Variants in PCDHB6 observed in about 807,000 individuals in gnomAD.
PCDHB6 encodes the protein protocadherin beta 6, also known as protocadherin beta-6.
For missense variants in PCDHB6, 1,137 were observed against 1,010.1 expected (o/e 1.13, Z -1.70); for synonymous variants, 506 against 459.0 (o/e 1.10, Z -1.31).
Position 141,151,774 on chromosome 5 carries a change from C to T in PCDHB6, c.1517C>T (p.Ala506Val), listed in dbSNP as rs202125595. 1.5e-5 allele frequency: 24 copies of T among 1,613,260 alleles called. No homozygotes were observed. The African/African-American group carries it at 2.4e-4, about 16-fold the overall frequency. ...LPLSSLVSIN[A>V]DNGHLFALRS... ...CTCTCTTCCCTGGTCTCCATCAACGCGGACAACGGCCACCTGTTTGCCCTC... is the reference window on the plus strand; with the variant it reads ...CTCTCTTCCCTGGTCTCCATCAACGTGGACAACGGCCACCTGTTTGCCCTC... The change falls in exon 1 of 1, where the codon GCG becomes GTG. Residue 506 changes from alanine (A) to valine (V), a missense_variant. Transcript: ENST00000231136.
rs139339229 is a variant in PCDHB6 at position 141,152,458 on chromosome 5, T to C, written c.2201T>C (p.Leu734Pro). Reference sequence around the variant, plus strand: ...CCCGAGGGTCCCTTTCCAGGGCATCTGGTGGATGTGAGCGGCACCGGGACC... The same window carrying C: ...CCCGAGGGTCCCTTTCCAGGGCATCCGGTGGATGTGAGCGGCACCGGGACC... ...SVPEGPFPGH[L>P]VDVSGTGTLS... The change falls in exon 1 of 1, where the codon CTG (leucine) becomes CCG (proline). Residue 734 changes from leucine (L) to proline (P), a missense_variant. Leu to Pro is a moderately conservative substitution (Grantham distance 98). Transcript: ENST00000231136. The C allele has an allele frequency of 1.9e-6, 3 of 1,614,002 alleles. No homozygotes were observed. Among genetic ancestry groups the C allele is most frequent in the African/African-American group, 2.7e-5 (2 of 74,844 alleles).
At position 141,151,084 on chromosome 5, in the gene PCDHB6, T is replaced by C. The variant is rs1554277602; in HGVS notation, c.827T>C (p.Val276Ala). Reference protein sequence around the residue: ...RDLDAGSFGKVSYALFQVDDV... With the variant: ...RDLDAGSFGKASYALFQVDDV... ...TTAGATGCAGGATCGTTTGGGAAGGTATCTTACGCCCTGTTTCAAGTCGAT... is the reference window on the plus strand; with the variant it reads ...TTAGATGCAGGATCGTTTGGGAAGGCATCTTACGCCCTGTTTCAAGTCGAT... Residue 276 changes from valine (V) to alanine (A), a missense_variant, in exon 1 of 1, where the codon GTA becomes GCA. Physicochemically the swap from Val to Ala is moderately conservative, Grantham distance 64. Coordinates refer to ENST00000231136, the MANE Select transcript of PCDHB6 (RefSeq NM_018939.4). The C allele has an allele frequency of 5.0e-6, 8 of 1,614,228 alleles. No individual in the cohort carries two copies. Among genetic ancestry groups the C allele is most frequent in the Non-Finnish European group, 6.8e-6 (8 of 1,180,028 alleles).
chr5:141,152,623 A>G lies in PCDHB6; in HGVS notation c.2366A>G (p.Asn789Ser). ...ATGGAAGAAACCCCCACCTCTCGGA[A>G]TAGCTTCCCGTTCAGTTAAGTGTGG... is the stretch of plus-strand genomic sequence containing the variant. ...REMEETPTSRNSFPFS is the reference protein window; with the variant it reads ...REMEETPTSRSSFPFS Residue 789 changes from asparagine to serine, a missense_variant, in exon 1 of 1, where the codon AAT becomes AGT. Coordinates refer to ENST00000231136, the MANE Select transcript of PCDHB6 (RefSeq NM_018939.4). 6.2e-7 allele frequency: 1 copy of G among 1,602,072 alleles called. No individual in the cohort carries two copies. Among genetic ancestry groups the G allele is most frequent in the Non-Finnish European group, 8.5e-7 (1 of 1,172,762 alleles).
rs1290657368 is a variant in PCDHB6 at position 141,150,094 on chromosome 5, T to C, written c.-164T>C. The C allele has an allele frequency of 1.7e-6, 1 of 603,122 alleles. No individual in the cohort carries two copies. The highest frequency in any genetic ancestry group is 2.9e-6 in the Non-Finnish European group (1 of 346,252). The allele number at this position is 603,122 out of a possible 1,614,324, so 37.4% of individuals were successfully genotyped here. On this transcript the variant is annotated 5_prime_UTR_variant, in exon 1 of 1. Transcript: ENST00000231136. ...AGCCAAGTAAAAATACAGACCACGTTTACAGCTAAAGCTGAGATAGATGTG... is the reference window on the plus strand; with the variant it reads ...AGCCAAGTAAAAATACAGACCACGTCTACAGCTAAAGCTGAGATAGATGTG...
chr5:141,152,610 C>G lies in PCDHB6; in HGVS notation c.2353C>G (p.Pro785Ala). 6.2e-7 allele frequency: 1 copy of G among 1,607,692 alleles called. No homozygotes were observed. Among genetic ancestry groups the G allele is most frequent in the Non-Finnish European group, 8.5e-7 (1 of 1,175,866 alleles). The change falls in exon 1 of 1, where the codon CCC (proline) becomes GCC (alanine). Residue 785 changes from proline (P) to alanine (A), a missense_variant. Physicochemically the swap from Pro to Ala is conservative, Grantham distance 27. Transcript: ENST00000231136. ...QGTEREMEET[P>A]TSRNSFPFS is the part of the protein sequence containing the mutation. ...CACTGAGAGAGAAATGGAAGAAACC[C>G]CCACCTCTCGGAATAGCTTCCCGTT...
At position 141,152,124 on chromosome 5, in the gene PCDHB6, C is replaced by A. The variant is rs782799335; in HGVS notation, c.1867C>A (p.Arg623Ser). The A allele has an allele frequency of 4.4e-6, 7 of 1,607,116 alleles. No homozygotes were observed. The highest frequency in any genetic ancestry group is 5.9e-6 in the Non-Finnish European group (7 of 1,179,688). Residue 623 changes from arginine (R) to serine (S), a missense_variant, in exon 1 of 1, where the codon CGC (arginine) becomes AGC (serine). Coordinates refer to ENST00000231136, the MANE Select transcript of PCDHB6 (RefSeq NM_018939.4). ...CGTGTGGGCGCACAATGGCGAGGTGCGCACCGCCAGGCTGCTGAGCGAGCG... is the reference window on the plus strand; with the variant it reads ...CGTGTGGGCGCACAATGGCGAGGTGAGCACCGCCAGGCTGCTGAGCGAGCG... ...FGVWAHNGEV[R>S]TARLLSERDA...
In PCDHB6 at chr5:141,152,380, C is replaced by T. The variant is rs1390957069; in HGVS notation, c.2123C>T (p.Ala708Val). 4 of 1,612,128 alleles carry T rather than the reference C, an allele frequency of 2.5e-6. No individual in the cohort carries two copies. Among genetic ancestry groups the T allele is most frequent in the Admixed American group, 1.7e-5 (1 of 59,996 alleles). Residue 708 changes from alanine to valine, a missense_variant, in exon 1 of 1, where the codon GCG (alanine) becomes GTG (valine). Coordinates refer to ENST00000231136, the MANE Select transcript of PCDHB6 (RefSeq NM_018939.4). ...LFLFSVLLFV[A>V]VRLCRRSRAA... ...CTCTTTTCGGTGCTCCTGTTCGTGG[C>T]GGTGCGGCTGTGCAGGAGGAGCAGG...
chr5:141,152,062 A>G lies in PCDHB6; in HGVS notation c.1805A>G (p.Tyr602Cys), dbSNP rs1588335716. Reference sequence around the variant, plus strand: ...TCGGGCCAGAACGCCTGGCTGTCGTACCAGCTGCTCAAGGCCACGGAGCTC... The same window carrying G: ...TCGGGCCAGAACGCCTGGCTGTCGTGCCAGCTGCTCAAGGCCACGGAGCTC... ...GDSGQNAWLS[Y>C]QLLKATELGL... The change falls in exon 1 of 1, where the codon TAC becomes TGC. Residue 602 changes from tyrosine (Y) to cysteine (C), a missense_variant. Tyr to Cys is a radical substitution (Grantham distance 194). Transcript: ENST00000231136. The G allele has an allele frequency of 1.2e-6, 2 of 1,607,170 alleles. No individual in the cohort carries two copies. Among genetic ancestry groups the G allele is most frequent in the Admixed American group, 3.3e-5 (2 of 59,976 alleles).
In PCDHB6 at chr5:141,152,126, C is replaced by T. The variant is rs781909942; in HGVS notation, c.1869C>T (p.Arg623=). The T allele has an allele frequency of 1.1e-4, 174 of 1,607,160 alleles. No homozygotes were observed. The highest frequency in any genetic ancestry group is 1.3e-4 in the Non-Finnish European group (158 of 1,179,694). The change falls in exon 1 of 1, where the codon CGC becomes CGT. Residue 623 remains arginine, a synonymous_variant. Transcript: ENST00000231136. ...TGTGGGCGCACAATGGCGAGGTGCGCACCGCCAGGCTGCTGAGCGAGCGAG... is the reference window on the plus strand; with the variant it reads ...TGTGGGCGCACAATGGCGAGGTGCGTACCGCCAGGCTGCTGAGCGAGCGAG... The part of the protein sequence containing the change: ...FGVWAHNGEV[R]TARLLSERDA...
chr5:141,152,550 C>T lies in PCDHB6; in HGVS notation c.2293C>T (p.Leu765=). Reference sequence around the variant, plus strand: ...CTCAGAAACAAATGAGTTCAAGTTCCTGAAGCCGATTATGCCCAACTTCCC... The same window carrying T: ...CTCAGAAACAAATGAGTTCAAGTTCTTGAAGCCGATTATGCCCAACTTCCC... ...GGSETNEFKF[L]KPIMPNFPPQ... Residue 765 remains leucine, a synonymous_variant, in exon 1 of 1, where the codon CTG becomes TTG. Coordinates refer to ENST00000231136, the MANE Select transcript of PCDHB6 (RefSeq NM_018939.4). 6.2e-7 allele frequency: 1 copy of T among 1,614,034 alleles called. No individual in the cohort carries two copies. Among genetic ancestry groups the T allele is most frequent in the Non-Finnish European group, 8.5e-7 (1 of 1,180,032 alleles).
Position 141,150,771 on chromosome 5 carries a change from A to G in PCDHB6, c.514A>G (p.Ser172Gly). Residue 172 changes from serine (S) to glycine (G), a missense_variant, in exon 1 of 1, where the codon AGC (serine) becomes GGC (glycine). Physicochemically the swap from Ser to Gly is moderately conservative, Grantham distance 56. Transcript: ENST00000231136. ...CAACGGCCTTCAGAGGTACACAATC[A>G]GCTCCAACCCTCACTTCCACGTTCT... ...GSNGLQRYTI[S>G]SNPHFHVLTR... The G allele has an allele frequency of 7.4e-6, 12 of 1,614,224 alleles. No homozygotes were observed. The highest frequency in any genetic ancestry group is 1.0e-5 in the Non-Finnish European group (12 of 1,180,040).
At position 141,152,146 on chromosome 5, in the gene PCDHB6, A is replaced by G; in HGVS notation, c.1889A>G (p.Glu630Gly). Residue 630 changes from glutamate to glycine, a missense_variant, in exon 1 of 1, where the codon GAG (glutamate) becomes GGG (glycine). By Grantham distance (98) the Glu-to-Gly change is moderately conservative. Transcript: ENST00000231136. ...GTGCGCACCGCCAGGCTGCTGAGCGAGCGAGACGCAGCCAAGCACAGGCTG... is the reference window on the plus strand; with the variant it reads ...GTGCGCACCGCCAGGCTGCTGAGCGGGCGAGACGCAGCCAAGCACAGGCTG... ...GEVRTARLLS[E>G]RDAAKHRLVV... 6.2e-7 allele frequency: 1 copy of G among 1,607,972 alleles called. No individual in the cohort carries two copies. Among genetic ancestry groups the G allele is most frequent in the Non-Finnish European group, 8.5e-7 (1 of 1,179,712 alleles).
rs782435678 is a variant in PCDHB6 at position 141,151,337 on chromosome 5, G to C, written c.1080G>C (p.Glu360Asp). 2.5e-5 allele frequency: 40 copies of C among 1,614,036 alleles called. No individual in the cohort carries two copies. Among genetic ancestry groups the C allele is most frequent in the Middle Eastern group, 1.6e-4 (1 of 6,084 alleles). Residue 360 changes from glutamate (E) to aspartate (D), a missense_variant, in exon 1 of 1, where the codon GAG (glutamate) becomes GAC (aspartate). Transcript: ENST00000231136. The part of the protein sequence containing the change: ...FISLIPENLP[E>D]ITVAVFSVSD... The stretch of plus-strand genomic sequence containing the variant: ...GCCTCATCCCAGAAAACTTACCAGA[G>C]ATCACAGTGGCAGTTTTCAGTGTTT...
At position 141,151,754 on chromosome 5, in the gene PCDHB6, T is replaced by G. The variant is rs564675808; in HGVS notation, c.1497T>G (p.Ser499=). ...LPPQDPHLPL[S]SLVSINADNG... ...CCCAGGACCCGCACCTGCCCCTCTC[T>G]TCCCTGGTCTCCATCAACGCGGACA... Residue 499 remains serine, a synonymous_variant, in exon 1 of 1, where the codon TCT becomes TCG. Coordinates refer to ENST00000231136, the MANE Select transcript of PCDHB6 (RefSeq NM_018939.4). 28 of 1,611,960 alleles carry G rather than the reference T, an allele frequency of 1.7e-5. No homozygotes were observed. The highest frequency in any genetic ancestry group is 7.6e-6 in the Non-Finnish European group (9 of 1,179,438).
rs1554277346 is a variant in PCDHB6 at position 141,150,074 on chromosome 5, A to G, written c.-184A>G. ...TGGACTCCGTTTCATCCAGAAGCCA[A>G]GTAAAAATACAGACCACGTTTACAG... is the stretch of plus-strand genomic sequence containing the variant. On this transcript the variant is annotated 5_prime_UTR_variant, in exon 1 of 1. Transcript: ENST00000231136. The G allele has an allele frequency of 3.5e-6, 2 of 566,498 alleles. No homozygotes were observed. The highest frequency in any genetic ancestry group is 2.9e-5 in the East Asian group (1 of 34,660). 35.1% of individuals were successfully genotyped at this position (566,498 alleles called of 1,614,324 possible).
Position 141,151,902 on chromosome 5 carries a change from G to A in PCDHB6, c.1645G>A (p.Val549Met), listed in dbSNP as rs1554277855. ...LSSEALVRLL[V>M]LDANDNSPFV... The stretch of plus-strand genomic sequence containing the variant: ...CAGCGAGGCGCTGGTGCGCTTGCTG[G>A]TGCTGGACGCCAACGACAACTCGCC... The change falls in exon 1 of 1, where the codon GTG (valine) becomes ATG (methionine). Residue 549 changes from valine (V) to methionine (M), a missense_variant. Transcript: ENST00000231136. The A allele has an allele frequency of 6.2e-7, 1 of 1,611,156 alleles. No individual in the cohort carries two copies. The highest frequency in any genetic ancestry group is 8.5e-7 in the Non-Finnish European group (1 of 1,179,766).
chr5:141,151,887 C>G lies in PCDHB6; in HGVS notation c.1630C>G (p.Leu544Val). 1 of 1,612,002 alleles carries G rather than the reference C, an allele frequency of 6.2e-7. No homozygotes were observed. Among genetic ancestry groups the G allele is most frequent in the Non-Finnish European group, 8.5e-7 (1 of 1,179,788 alleles). The part of the protein sequence containing the change: ...RGSPALSSEA[L>V]VRLLVLDAND... ...CTCCCCGGCGTTGAGCAGCGAGGCG[C>G]TGGTGCGCTTGCTGGTGCTGGACGC... The change falls in exon 1 of 1, where the codon CTG (leucine) becomes GTG (valine). Residue 544 changes from leucine to valine, a missense_variant. Coordinates refer to ENST00000231136, the MANE Select transcript of PCDHB6 (RefSeq NM_018939.4).
Position 141,151,716 on chromosome 5 carries a change from T to A in PCDHB6, c.1459T>A (p.Ser487Thr). ...DSGINAQVTY[S>T]LLPPQDPHLP... Reference sequence around the variant, plus strand: ...AGGCATCAACGCCCAGGTCACCTACTCGCTGCTGCCGCCCCAGGACCCGCA... The same window carrying A: ...AGGCATCAACGCCCAGGTCACCTACACGCTGCTGCCGCCCCAGGACCCGCA... Residue 487 changes from serine (S) to threonine (T), a missense_variant, in exon 1 of 1, where the codon TCG (serine) becomes ACG (threonine). Coordinates refer to ENST00000231136, the MANE Select transcript of PCDHB6 (RefSeq NM_018939.4). 1 of 1,613,108 alleles carries A rather than the reference T, an allele frequency of 6.2e-7. No individual in the cohort carries two copies. The highest frequency in any genetic ancestry group is 8.5e-7 in the Non-Finnish European group (1 of 1,180,026).
At position 141,151,796 on chromosome 5, in the gene PCDHB6, C is replaced by T. The variant is rs148704377; in HGVS notation, c.1539C>T (p.Ala513=). 993 of 1,613,168 alleles carry T rather than the reference C, an allele frequency of 6.2e-4. 9 individuals carry two copies. In the African/African-American group the frequency reaches 0.011, roughly 18 times the overall value. ...ACGCGGACAACGGCCACCTGTTTGC[C>T]CTCAGGTCGCTGGACTACGAGGCCC... ...SINADNGHLF[A]LRSLDYEALQ... is the part of the protein sequence containing the mutation. The change falls in exon 1 of 1, where the codon GCC becomes GCT. Residue 513 remains alanine (A), a synonymous_variant. Transcript: ENST00000231136.
Sources: allele counts gnomAD v4.1 joint callset, GRCh38; gene constraint gnomAD v4.1.1; transcripts MANE v1.5; gene names NCBI Gene and HGNC (gene_info 2026-07-23, HGNC 2026-07-21).